Variants in ZBTB40 observed in about 807,000 individuals in gnomAD.
The protein encoded by ZBTB40 is zinc finger and BTB domain containing 40.
In ZBTB40, 60 loss-of-function variants were observed where a neutral mutation model predicts 117.5. That is an observed-to-expected ratio of 0.51 (90% CI 0.41 to 0.63). ZBTB40 has a LOEUF of 0.63. ZBTB40 is among the 30% of genes least tolerant of loss of function. The pLI, the probability that ZBTB40 is intolerant of heterozygous loss-of-function variation, is 0.00. For synonymous variants in ZBTB40, 525 were observed against 577.1 expected, an observed-to-expected ratio of 0.91 and a Z score of 1.29; for missense variants, 1,287 against 1,498.5, an observed-to-expected ratio of 0.86 and a Z score of 2.33.
At chr1:22,456,440 G>A (rs1641006536) in intron 1 of ZBTB40, among the ~76,000 whole-genome samples, 1 of 152,178 alleles carries the variant, frequency 6.6e-6, no homozygotes. Context: ...AGGGTAAATG[G>A]TTGAATTTCA....
rs951601022 is a variant in ZBTB40, at chr1:22,477,698, G to T, written c.-69-12182G>T. 8.5e-4 allele frequency among the ~76,000 whole-genome samples: 129 copies of T among 151,250 alleles called. 1 individual carries two copies. The highest frequency in any genetic ancestry group is 3.1e-3 in the African/African-American group (126 of 41,292). ...AGAAAGAAAGCTAATTAAGATGGTAGAAATAAGTCCAAATATATTACTCAT... is the reference window on the plus strand; with the variant it reads ...AGAAAGAAAGCTAATTAAGATGGTATAAATAAGTCCAAATATATTACTCAT... On this transcript the variant is annotated intron_variant, in intron 1 of 17. Transcript: ENST00000375647.
intron 16 of ZBTB40, among the ~76,000 whole-genome samples, chr1:22,523,996 C>CTCCACTTGCATGGG (rs1639608312): frequency 6.6e-6 from 1 of 152,206 alleles, no homozygotes; most frequent in African/African-American, 2.4e-5. Context: ...CTCAGGGCCC[C>CTCCACTTGCATGGG]TCACTTGCAT....
At chr1:22,514,116 G>C (rs1018659716) in intron 12 of ZBTB40, among the ~76,000 whole-genome samples, 1 of 152,212 alleles carries the variant, frequency 6.6e-6, no homozygotes, top group African/African-American at 2.4e-5. Context: ...ACACCAGCGT[G>C]ATGAGGAAGG....
chr1:22,506,143 G>T lies in ZBTB40; in HGVS notation c.1262G>T (p.Gly421Val). The change falls in exon 6 of 18, where the codon GGT becomes GTT. Residue 421 changes from glycine to valine, a missense_variant. Gly to Val is a moderately radical substitution (Grantham distance 109). Around this residue, in one of 2 missense-constraint regions of ZBTB40, gnomAD observed 870 missense variants for 934.4 expected, o/e 0.93. Coordinates refer to ENST00000375647, the MANE Select transcript of ZBTB40 (RefSeq NM_014870.4). Reference sequence around the variant, plus strand: ...GAAGAGAAGACGCTGACTGCTGAGGGTTTGGTAAAACTCCTCCAGGCTGTG... The same window carrying T: ...GAAGAGAAGACGCTGACTGCTGAGGTTTTGGTAAAACTCCTCCAGGCTGTG... ...MTEEKTLTAE[G>V]LVKLLQAVKT... 1 of 1,614,178 alleles carries T rather than the reference G, an allele frequency of 6.2e-7. No homozygotes were observed. The highest frequency in any genetic ancestry group is 1.3e-5 in the African/African-American group (1 of 75,048).
In ZBTB40 at chr1:22,521,972, T is replaced by C. The variant is rs76936625; in HGVS notation, c.3211+314T>C. Among the ~76,000 whole-genome samples, 50 of 152,312 alleles carry C rather than the reference T, an allele frequency of 3.3e-4. 4 individuals carry two copies. In the East Asian group the frequency reaches 9.1e-3, roughly 28 times the overall value. ...GTGGAAATCCTGATTCCAGCACTTA[T>C]CAGCTACATGACCTTGGCAAGTGAC... On this transcript the variant is annotated intron_variant, in intron 15 of 17. Transcript: ENST00000375647.
chr1:22,488,940 A>G (rs934680880), intron 1 of ZBTB40, among the ~76,000 whole-genome samples: 2 of 152,054 alleles, frequency 1.3e-5, no homozygotes, highest in Non-Finnish European at 2.9e-5. Flanking sequence ...GATTTTGGAT[A>G]TGTTTTGAAG....
rs1639298653 is a variant in ZBTB40, at chr1:22,513,567, G to A, written c.2668+437G>A. 6.6e-6 allele frequency among the ~76,000 whole-genome samples: 1 copy of A among 152,134 alleles called. No individual in the cohort carries two copies. Among genetic ancestry groups the A allele is most frequent in the Non-Finnish European group, 1.5e-5 (1 of 68,028 alleles). On this transcript the variant is annotated intron_variant, in intron 12 of 17. Transcript: ENST00000375647. The surrounding 1 kb of genome is among the most constrained non-coding windows in gnomAD (Gnocchi z 4.9). ...ATACAAAAAATTAGCCAGGCGTGGT[G>A]GCGGGCACCTGGAGTCTCAGCTACT...
rs78410420 is a variant in ZBTB40, at chr1:22,520,888, C to T, written c.3049-608C>T. 3.9e-5 allele frequency among the ~76,000 whole-genome samples: 6 copies of T among 152,346 alleles called. No homozygotes were observed. In the East Asian group the frequency reaches 1.2e-3, roughly 29 times the overall value. The stretch of plus-strand genomic sequence containing the variant: ...AAACTGAGAGCTAACTTTGTGCCAA[C>T]GCTCATGTTGTGACATTAGCGTTCC... On this transcript the variant is annotated intron_variant, in intron 14 of 17. Transcript: ENST00000375647.
chr1:22,437,886 A>G (rs1353193492), intron 1 of ZBTB40, among the ~76,000 whole-genome samples: 1 of 151,440 alleles, frequency 6.6e-6, no homozygotes, highest in Non-Finnish European at 1.5e-5. Context: ...GCACTTTGGG[A>G]AGCCGAGGCA....
At chr1:22,436,843 T>G (rs1640676672) in intron 1 of ZBTB40, among the ~76,000 whole-genome samples, 1 of 152,190 alleles carries the variant, frequency 6.6e-6, no homozygotes, top group Non-Finnish European at 1.5e-5. Context: ...TGTAACATGT[T>G]AACATATTCT....
chr1:22,501,714 C>T lies in ZBTB40; in HGVS notation c.1024+30C>T, dbSNP rs148854717. On this transcript the variant is annotated intron_variant, in intron 4 of 17. Coordinates refer to ENST00000375647, the MANE Select transcript of ZBTB40 (RefSeq NM_014870.4). ...GAGAAGATCCTATGCATTGGAATGGCAGGGTTTTATTTTGGGATGATGCTA... is the reference window on the plus strand; with the variant it reads ...GAGAAGATCCTATGCATTGGAATGGTAGGGTTTTATTTTGGGATGATGCTA... 2.6e-4 allele frequency: 416 copies of T among 1,606,256 alleles called. No homozygotes were observed. The African/African-American group carries it at 4.6e-3, about 18-fold the overall frequency.
chr1:22,450,274 C>T (rs189235032), upstream of ZBTB40, among the ~76,000 whole-genome samples: 293 of 152,274 alleles, frequency 1.9e-3, 1 homozygote, highest in Non-Finnish European at 3.4e-3. Flanking sequence ...TTCTAGAGCA[C>T]CTACTATGTG....
At chr1:22,498,853 A>G (rs1462267043) in intron 3 of ZBTB40, among the ~76,000 whole-genome samples, 1 of 152,078 alleles carries the variant, frequency 6.6e-6, no homozygotes, top group African/African-American at 2.4e-5. Context: ...TGAGATGCAC[A>G]AAAGGCAGGC....
At chr1:22,489,730 T>G (rs1261790417) in intron 1 of ZBTB40, 150 bp from the exon 2 acceptor site, 5 of 613,776 alleles carry the variant, frequency 8.1e-6, no homozygotes, top group Admixed American at 5.3e-5. Flanking sequence ...TCATTACTGA[T>G]TTAGTATACC....
chr1:22,429,289 G>T (rs2124355961), intron 1 of ZBTB40, among the ~76,000 whole-genome samples: 1 of 152,250 alleles, frequency 6.6e-6, no homozygotes, highest in East Asian at 1.9e-4. Context: ...GGCTGAGGCA[G>T]GAGAATGGCT....
rs1227187026 is a variant in ZBTB40, at chr1:22,517,371, A to T, written c.2740A>T (p.Thr914Ser). ...TATTGAGCTGTCCCGCCACGTGAGG[A>T]CCCACACCGGGGACAAGCCCTATGT... ...QSIELSRHVR[T>S]HTGDKPYVCR... The change falls in exon 13 of 18, where the codon ACC (threonine) becomes TCC (serine). Residue 914 changes from threonine to serine, a missense_variant. Thr to Ser is a moderately conservative substitution (Grantham distance 58). Around this residue, in one of 2 missense-constraint regions of ZBTB40, gnomAD observed 417 missense variants for 564.1 expected, o/e 0.74. Coordinates refer to ENST00000375647, the MANE Select transcript of ZBTB40 (RefSeq NM_014870.4). The T allele has an allele frequency of 1.2e-6, 2 of 1,614,050 alleles. No individual in the cohort carries two copies. The highest frequency in any genetic ancestry group is 2.7e-5 in the African/African-American group (2 of 74,924).
At chr1:22,487,846 A>G (rs142783039) in intron 1 of ZBTB40, among the ~76,000 whole-genome samples, 2 of 152,112 alleles carry the variant, frequency 1.3e-5, no homozygotes, top group Non-Finnish European at 2.9e-5. Flanking sequence ...GCTCGTAAGC[A>G]TGGCCTATAT....
chr1:22,529,615 G>A lies in ZBTB40; in HGVS notation c.*3219G>A, dbSNP rs1206314570. 2 of 152,232 alleles carry A rather than the reference G, an allele frequency of 1.3e-5. No individual in the cohort carries two copies. Among genetic ancestry groups the A allele is most frequent in the South Asian group, 2.1e-4 (1 of 4,812 alleles). 9.4% of individuals were successfully genotyped at this position (152,232 alleles called of 1,614,324 possible). ...TGGAACCAGAGGGGCAGGGACCAGG[G>A]GTCTTTACTCATTTATTTTATGGGT... On this transcript the variant is annotated 3_prime_UTR_variant, in exon 18 of 18. Transcript: ENST00000375647.
chr1:22,470,915 A>G lies in ZBTB40; in HGVS notation c.-70+18911A>G, dbSNP rs564586164. Among the ~76,000 whole-genome samples, 12 of 152,362 alleles carry G rather than the reference A, an allele frequency of 7.9e-5. No individual in the cohort carries two copies. The South Asian group carries it at 8.3e-4, about 11-fold the overall frequency. On this transcript the variant is annotated intron_variant, in intron 1 of 17. Coordinates refer to ENST00000375647, the MANE Select transcript of ZBTB40 (RefSeq NM_014870.4). Reference sequence around the variant, plus strand: ...CACCTAACTTCCTTTGCTGTCTTCTATGATTCTGAAGAGACTTTCTGATGT... The same window carrying G: ...CACCTAACTTCCTTTGCTGTCTTCTGTGATTCTGAAGAGACTTTCTGATGT...
Sources: gnomAD v4.1 joint callset for allele counts (sites outside exome capture counted in the v4.1 genomes callset) on GRCh38, gnomAD v4.1.1 for gene constraint, gnomAD v4.1.1 regional missense constraint, Gnocchi (gnomAD v3.1) non-coding constraint, MANE v1.5 for transcripts, NCBI Gene and HGNC (gene_info 2026-07-23, HGNC 2026-07-21) for gene names.